GLB1L2: variants seen among roughly 807,000 people sequenced by gnomAD.
GLB1L2 encodes the protein galactosidase beta 1 like 2.
A neutral mutation model predicts 84.1 loss-of-function variants in GLB1L2; 68 were observed. That is an observed-to-expected ratio of 0.81 (90% CI 0.67 to 0.99). The LOEUF is 0.99. GLB1L2 is among the 50% of genes least tolerant of loss of function. The pLI is 0.00. For missense variants in GLB1L2, 762 were observed against 805.6 expected (o/e 0.95, Z 0.66); for synonymous variants, 290 against 318.0 (o/e 0.91, Z 0.94).
intron 1 of GLB1L2, among the ~76,000 whole-genome samples, chr11:134,336,035 G>T (rs189050847): frequency 1.8e-4 from 28 of 152,186 alleles, no homozygotes; most frequent in Non-Finnish European, 2.2e-4. Flanking sequence ...TTGAAAAAGA[G>T]TTCTCATGTG....
At position 134,332,069 on chromosome 11, in the gene GLB1L2, C is replaced by G; in HGVS notation, c.8C>G (p.Thr3Arg). The G allele has an allele frequency of 3.8e-6, 6 of 1,579,410 alleles. No homozygotes were observed. The highest frequency in any genetic ancestry group is 5.2e-6 in the Non-Finnish European group (6 of 1,164,478). Reference sequence around the variant, plus strand: ...GCGCTTAGAGAACACGCGATGACCACGTGGAGCCTCCGGCGGAGGCCGGCC... The same window carrying G: ...GCGCTTAGAGAACACGCGATGACCAGGTGGAGCCTCCGGCGGAGGCCGGCC... MT[T>R]WSLRRRPART... The change falls in exon 1 of 19, where the codon ACG (threonine) becomes AGG (arginine). Residue 3 changes from threonine (T) to arginine (R), a missense_variant. Coordinates refer to ENST00000535456, the MANE Select transcript of GLB1L2 (RefSeq NM_001370461.1).
chr11:134,356,390 G>T lies in GLB1L2; in HGVS notation c.648G>T (p.Lys216Asn), dbSNP rs781671972. ...ACCCCGCATACATGCCCTACGTCAA[G>T]AAGGTAAGAATCCTCTTAGTGCGTT... ...NKDPAYMPYV[K>N]KALEDRGIVE... Residue 216 changes from lysine to asparagine, a missense_variant, in exon 6 of 19, where the codon AAG becomes AAT. Lys to Asn is a moderately conservative substitution (Grantham distance 94). Transcript: ENST00000535456. The T allele has an allele frequency of 7.5e-6, 12 of 1,608,584 alleles. No individual in the cohort carries two copies. Among genetic ancestry groups the T allele is most frequent in the Middle Eastern group, 1.6e-4 (1 of 6,078 alleles).
At chr11:134,344,232 T>C (rs1306972420) in intron 2 of GLB1L2, among the ~76,000 whole-genome samples, 155 bp from the exon 3 acceptor site, 4 of 152,238 alleles carry the variant, frequency 2.6e-5, no homozygotes, top group African/African-American at 7.2e-5. Flanking sequence ...TTCTGGTCCC[T>C]AGATCAGTTC....
Position 134,367,428 on chromosome 11 carries a change from A to C in GLB1L2, c.889+87A>C, listed in dbSNP as rs1242073367. On this transcript the variant is annotated intron_variant, in intron 9 of 18. Coordinates refer to ENST00000535456, the MANE Select transcript of GLB1L2 (RefSeq NM_001370461.1). ...AGTCACCTGCTAACTAATGTAAGCC[A>C]TAGGGGGTGCAAGGCTGCTGGGATT... 33 of 1,116,180 alleles carry C rather than the reference A, an allele frequency of 3.0e-5. No homozygotes were observed. In the East Asian group the frequency reaches 8.1e-4, roughly 28 times the overall value. The allele number at this position is 1,116,180 out of a possible 1,614,324, so 69.1% of individuals were successfully genotyped here.
intron 1 of GLB1L2, among the ~76,000 whole-genome samples, chr11:134,337,297 C>G (rs531946010): frequency 6.6e-5 from 10 of 152,222 alleles, no homozygotes; most frequent in African/African-American, 2.4e-4. Flanking sequence ...GAATGGCAGG[C>G]CAAAGCCCTT....
At chr11:134,346,005 A>G (rs1161350349) in intron 4 of GLB1L2, among the ~76,000 whole-genome samples, 1 of 152,056 alleles carries the variant, frequency 6.6e-6, no homozygotes, top group African/African-American at 2.4e-5. Flanking sequence ...GTGGCCTTTA[A>G]GATTTTCTTG....
chr11:134,374,562 G>A, intron 17 of GLB1L2, 40 bp from the exon 18 acceptor site: 1 of 1,492,528 alleles, frequency 6.7e-7, no homozygotes, highest in Non-Finnish European at 9.3e-7. Context: ...TTTTGCTGTG[G>A]CTCTCGTGGT....
At chr11:134,335,291 G>A (rs887024544) in intron 1 of GLB1L2, among the ~76,000 whole-genome samples, 1 of 151,414 alleles carries the variant, frequency 6.6e-6, no homozygotes, top group African/African-American at 2.4e-5. Context: ...GCCAAATCAT[G>A]CCTCTCCTCT....
chr11:134,353,409 T>C (rs890958781), intron 5 of GLB1L2, among the ~76,000 whole-genome samples: 1 of 152,144 alleles, frequency 6.6e-6, no homozygotes, highest in African/African-American at 2.4e-5. Context: ...GACTCTGTTT[T>C]TTTTTAAAAA....
rs139151063 is a variant in GLB1L2 at position 134,367,440 on chromosome 11, A to G, written c.889+99A>G. 126 of 970,728 alleles carry G rather than the reference A, an allele frequency of 1.3e-4. No homozygotes were observed. The East Asian group carries it at 3.2e-3, about 25-fold the overall frequency. The allele number at this position is 970,728 out of a possible 1,614,324, so 60.1% of individuals were successfully genotyped here. ...ACTAATGTAAGCCATAGGGGGTGCA[A>G]GGCTGCTGGGATTATCTGTGTGCAG... On this transcript the variant is annotated intron_variant, in intron 9 of 18. Coordinates refer to ENST00000535456, the MANE Select transcript of GLB1L2 (RefSeq NM_001370461.1).
intron 1 of GLB1L2, 79 bp downstream of exon 1, chr11:134,332,226 A>C: frequency 3.9e-6 from 4 of 1,030,784 alleles, no homozygotes; most frequent in South Asian, 3.1e-5. Flanking sequence ...TCCTCCCGCG[A>C]CCCGCGAATC....
Position 134,339,703 on chromosome 11 carries a change from G to A in GLB1L2, c.87-3051G>A, listed in dbSNP as rs982095564. On this transcript the variant is annotated intron_variant, in intron 1 of 18. Transcript: ENST00000535456. The surrounding 1 kb of genome is among the most constrained non-coding windows in gnomAD (Gnocchi z 5.7). ...TATCCAGGGAGGGAGTCTACGTAGTGTCCAAGGAGAAGACGCAGATTGGGC... is the reference window on the plus strand; with the variant it reads ...TATCCAGGGAGGGAGTCTACGTAGTATCCAAGGAGAAGACGCAGATTGGGC... 1.3e-5 allele frequency among the ~76,000 whole-genome samples: 2 copies of A among 152,030 alleles called. No homozygotes were observed. Among genetic ancestry groups the A allele is most frequent in the Non-Finnish European group, 2.9e-5 (2 of 67,996 alleles).
In GLB1L2 at chr11:134,370,188, G is replaced by A. The variant is rs1943929096; in HGVS notation, c.1109-105G>A. The A allele has an allele frequency of 1.1e-6, 1 of 946,340 alleles. No individual in the cohort carries two copies. Among genetic ancestry groups the A allele is most frequent in the Admixed American group, 1.7e-5 (1 of 57,276 alleles). The allele number at this position is 946,340 out of a possible 1,614,324, so 58.6% of individuals were successfully genotyped here. ...CTAGCCTGTTGTTCCTCTTGGTGCT[G>A]GGACGCAGGAGCACATCGGGTCTGT... On this transcript the variant is annotated intron_variant, in intron 11 of 18. Transcript: ENST00000535456. The surrounding 1 kb of genome is among the most constrained non-coding windows in gnomAD (Gnocchi z 4.7).
intron 5 of GLB1L2, among the ~76,000 whole-genome samples, chr11:134,347,816 G>A (rs1322230209): frequency 1.3e-5 from 2 of 152,188 alleles, no homozygotes; most frequent in African/African-American, 2.4e-5. Flanking sequence ...CAGTAGCACT[G>A]CGGCTCAGTT....
intron 7 of GLB1L2, 64 bp downstream of exon 7, chr11:134,359,205 C>T (rs944678826): frequency 6.1e-6 from 7 of 1,138,676 alleles, no homozygotes; most frequent in African/African-American, 1.6e-5. Context: ...TGCACGCTCC[C>T]GCTGTGGGAC....
At chr11:134,357,770 C>CCT (rs1356903851) in intron 6 of GLB1L2, among the ~76,000 whole-genome samples, 1 of 152,232 alleles carries the variant, frequency 6.6e-6, no homozygotes, top group African/African-American at 2.4e-5. Context: ...AATTCACCAG[C>CCT]CTCTCTCTGA....
At chr11:134,348,295 T>A (rs1943578847) in intron 5 of GLB1L2, among the ~76,000 whole-genome samples, 1 of 152,232 alleles carries the variant, frequency 6.6e-6, no homozygotes, top group African/African-American at 2.4e-5. Context: ...TAAAAAATTA[T>A]TTGTTGTGAA....
intron 2 of GLB1L2, among the ~76,000 whole-genome samples, chr11:134,344,047 A>G (rs1385224315): frequency 2.0e-5 from 3 of 152,168 alleles, no homozygotes; most frequent in African/African-American, 7.2e-5. Context: ...TAGGATGATC[A>G]CCGAGCTTTC....
In GLB1L2 at chr11:134,356,760, G is replaced by A. The variant is rs114057393; in HGVS notation, c.651+367G>A. 9.7e-3 allele frequency among the ~76,000 whole-genome samples: 1,472 copies of A among 152,236 alleles called. 24 individuals are homozygous for A. Among genetic ancestry groups the A allele is most frequent in the African/African-American group, 0.033 (1,375 of 41,518 alleles). The stretch of plus-strand genomic sequence containing the variant: ...CTGGGGAGTTTTAAGAAATCCCTGC[G>A]CCCAGGCCATGTACCATACCAAGCA... On this transcript the variant is annotated intron_variant, in intron 6 of 18. Transcript: ENST00000535456.
Sources: allele counts gnomAD v4.1 joint callset (sites outside exome capture counted in the v4.1 genomes callset), GRCh38; gene constraint gnomAD v4.1.1; non-coding constraint Gnocchi (gnomAD v3.1); transcripts MANE v1.5; gene names NCBI Gene and HGNC (gene_info 2026-07-23, HGNC 2026-07-21).